Variants in UGGT2 observed in about 807,000 individuals in gnomAD.
UGGT2 encodes the protein UDP-glucose glycoprotein glucosyltransferase 2.
In UGGT2, 180 loss-of-function variants were observed where a neutral mutation model predicts 192.1. That is an observed-to-expected ratio of 0.94 (90% CI 0.83 to 1.06). The LOEUF is 1.06. Ranked by LOEUF, UGGT2 falls within the 50% of genes least tolerant of loss-of-function variation. UGGT2 has a pLI of 0.00. For missense variants in UGGT2, 1,849 were observed against 1,795.7 expected (o/e 1.03, Z -0.54); for synonymous variants, 580 against 591.0 (o/e 0.98, Z 0.27).
At position 95,820,648 on chromosome 13, in the gene UGGT2, G is replaced by A. The variant is rs151218741; in HGVS notation, c.4528+12279C>T. Among the ~76,000 whole-genome samples the A allele has an allele frequency of 3.4e-3, 520 of 151,742 alleles. 3 individuals are homozygous for A. Among genetic ancestry groups the A allele is most frequent in the African/African-American group, 0.012 (491 of 41,378 alleles). ...AGCTTTTGGGGTGCAAGTGGTTTTC[G>A]GTTACTTGGATGAATTCCATAGCGG... is the stretch of plus-strand genomic sequence containing the variant. On this transcript the variant is annotated intron_variant, in intron 38 of 38. Transcript: ENST00000376747.
Position 95,983,860 on chromosome 13 carries a change from G to A in UGGT2, c.1036C>T (p.Leu346=), listed in dbSNP as rs781203435. The A allele has an allele frequency of 4.5e-6, 7 of 1,560,566 alleles. No homozygotes were observed. The South Asian group carries it at 8.3e-5, about 19-fold the overall frequency. ...TGTTGATTTACAGCAATTCTGGTTA[G>A]AGATCTGGAAAAATGAATACTAATA... ...SQNFPIKARS[L]TRIAVNQHMR... The change falls in exon 10 of 39, where the codon CTA becomes TTA. Residue 346 remains leucine (L), a synonymous_variant. Coordinates refer to ENST00000376747, the MANE Select transcript of UGGT2 (RefSeq NM_020121.4).
chr13:95,810,756 C>A (rs1594052869), intron 38 of UGGT2, among the ~76,000 whole-genome samples: 1 of 151,554 alleles, frequency 6.6e-6, no homozygotes, highest in Non-Finnish European at 1.5e-5. Flanking sequence ...CAAGGAAAGA[C>A]AAAAAAACCT....
chr13:96,034,162 C>T (rs1566846436), intron 1 of UGGT2, among the ~76,000 whole-genome samples: 1 of 152,172 alleles, frequency 6.6e-6, no homozygotes, highest in Admixed American at 6.5e-5. Context: ...ATAGGAGCTA[C>T]CCATTCCAGG....
At chr13:95,827,793 T>G (rs937909727) in intron 38 of UGGT2, among the ~76,000 whole-genome samples, 16 of 152,132 alleles carry the variant, frequency 1.1e-4, no homozygotes, top group African/African-American at 3.9e-4. Context: ...TACTGACCAT[T>G]TGCATCCCCA....
At chr13:95,956,295 C>T (rs1186826800) in intron 12 of UGGT2, among the ~76,000 whole-genome samples, 1 of 151,926 alleles carries the variant, frequency 6.6e-6, no homozygotes, top group Non-Finnish European at 1.5e-5. Flanking sequence ...GGGTGCCAAG[C>T]AAAGGTAACC....
chr13:95,842,041 A>G (rs1043503124), intron 36 of UGGT2, among the ~76,000 whole-genome samples: 15 of 152,218 alleles, frequency 9.9e-5, no homozygotes, highest in African/African-American at 3.1e-4. Flanking sequence ...CTAGTGACCA[A>G]TATGTGTAAC....
intron 1 of UGGT2, among the ~76,000 whole-genome samples, chr13:96,033,874 C>G (rs2139168057): frequency 6.6e-6 from 1 of 152,284 alleles, no homozygotes; most frequent in East Asian, 1.9e-4. Context: ...TGCCTGGGTG[C>G]CATGGACATG....
chr13:95,935,644 C>T (rs894734511), intron 17 of UGGT2, among the ~76,000 whole-genome samples: 1 of 152,054 alleles, frequency 6.6e-6, no homozygotes, highest in African/African-American at 2.4e-5. Context: ...TCACAGTGTT[C>T]TCTGAATTTC....
chr13:95,875,632 G>A (rs926869942), intron 29 of UGGT2, among the ~76,000 whole-genome samples: 25 of 152,290 alleles, frequency 1.6e-4, no homozygotes, highest in South Asian at 8.3e-4. Flanking sequence ...TGTTCCGTCT[G>A]TGGTATGACT....
At chr13:95,885,554 T>C (rs769540753) in intron 26 of UGGT2, among the ~76,000 whole-genome samples, 24 of 152,170 alleles carry the variant, frequency 1.6e-4, no homozygotes, top group Non-Finnish European at 2.9e-4. Flanking sequence ...GAAGGGAAAT[T>C]CCATCACTTT....
At chr13:95,956,822 C>T (rs1374714110) in intron 12 of UGGT2, among the ~76,000 whole-genome samples, 1 of 152,206 alleles carries the variant, frequency 6.6e-6, no homozygotes. Context: ...AATTCTACTT[C>T]TAGGTATATA....
intron 8 of UGGT2, among the ~76,000 whole-genome samples, chr13:95,988,335 G>C (rs891554734): frequency 6.6e-6 from 1 of 152,200 alleles, no homozygotes; most frequent in Middle Eastern, 3.4e-3. Flanking sequence ...TTGACACAAG[G>C]CCAAAATCAG....
intron 1 of UGGT2, among the ~76,000 whole-genome samples, chr13:96,047,835 G>T (rs2053363531): frequency 6.6e-6 from 1 of 152,016 alleles, no homozygotes; most frequent in Non-Finnish European, 1.5e-5. Flanking sequence ...GATTCATAAA[G>T]CAAGTCCTTA....
chr13:95,915,866 C>G (rs1264309782), intron 20 of UGGT2, among the ~76,000 whole-genome samples: 2 of 152,208 alleles, frequency 1.3e-5, no homozygotes. Flanking sequence ...TTCAGCCACA[C>G]CAGCCAGGAT....
chr13:95,831,212 C>G (rs531624552), intron 38 of UGGT2, among the ~76,000 whole-genome samples: 7 of 152,122 alleles, frequency 4.6e-5, no homozygotes, highest in African/African-American at 1.4e-4. Flanking sequence ...ACCAACATGG[C>G]ACATGTATAC....
At chr13:96,036,706 C>T (rs562000527) in intron 1 of UGGT2, among the ~76,000 whole-genome samples, 1 of 152,146 alleles carries the variant, frequency 6.6e-6, no homozygotes, top group Non-Finnish European at 1.5e-5. Flanking sequence ...ATCCTTGAGA[C>T]CATCTAAACC....
chr13:95,996,202 C>A (rs2051614221), intron 6 of UGGT2, 67 bp from the exon 7 acceptor site: 4 of 1,449,184 alleles, frequency 2.8e-6, no homozygotes, highest in South Asian at 1.2e-5. Context: ...AACATGTAAT[C>A]AAAAATTAGA....
At chr13:96,019,667 C>G (rs993726408) in intron 4 of UGGT2, among the ~76,000 whole-genome samples, 1 of 152,118 alleles carries the variant, frequency 6.6e-6, no homozygotes, top group Non-Finnish European at 1.5e-5. Flanking sequence ...GTGCAAGCCC[C>G]AAGGAGTGGT....
intron 5 of UGGT2, among the ~76,000 whole-genome samples, chr13:96,011,362 C>A (rs1441370781): frequency 6.6e-6 from 1 of 151,712 alleles, no homozygotes; most frequent in African/African-American, 2.4e-5. Flanking sequence ...ATATCTAGGA[C>A]ATAAAAAGAA....
Sources: allele counts gnomAD v4.1 joint callset (sites outside exome capture counted in the v4.1 genomes callset), GRCh38; gene constraint gnomAD v4.1.1; transcripts MANE v1.5; gene names NCBI Gene and HGNC (gene_info 2026-07-23, HGNC 2026-07-21).